The following TOE1 variants were observed in gnomAD, a reference collection of about 807,000 sequenced individuals.
TOE1 encodes target of EGR1 protein 1.
In TOE1, 50 loss-of-function variants were observed where a neutral mutation model predicts 49.2. The observed-to-expected ratio is 1.02, with a 90% CI of 0.81 to 1.29. The LOEUF (loss-of-function observed/expected upper bound fraction) is 1.29, where lower values mean the gene tolerates loss of function less well. TOE1 is among the 50% of genes most tolerant of loss of function. TOE1 has a pLI of 0.00. For synonymous variants in TOE1, 221 were observed against 247.0 expected (o/e 0.89, Z 0.99); for missense variants, 544 against 654.4 (o/e 0.83, Z 1.84).
rs1647088069 is a variant in TOE1, at chr1:45,343,486, G to T, written c.1317G>T (p.Arg439=). 6.2e-7 allele frequency: 1 copy of T among 1,614,056 alleles called. No individual in the cohort carries two copies. The highest frequency in any genetic ancestry group is 1.3e-5 in the African/African-American group (1 of 74,906). ...CAGTGCCTGGGGATGGATTGCACCG[G>T]GCTGGTTTTGATGCCTTTATGACAG... is the stretch of plus-strand genomic sequence containing the variant. ...PNPVPGDGLH[R]AGFDAFMTGY... The change falls in exon 8 of 8, where the codon CGG becomes CGT. Residue 439 remains arginine (R), a synonymous_variant. Transcript: ENST00000372090. This position sits in a 1 kb window ranked among gnomAD's most constrained non-coding sequence, Gnocchi z 4.3.
rs1321290052 is a variant in TOE1, at chr1:45,341,333, T to G, written c.226T>G (p.Leu76Val). 6.2e-7 allele frequency: 1 copy of G among 1,614,054 alleles called. No individual in the cohort carries two copies. The highest frequency in any genetic ancestry group is 1.3e-5 in the African/African-American group (1 of 74,902). Reference protein sequence around the residue: ...ELSGLGDRKSLLNQCIEERYK... With the variant: ...ELSGLGDRKSVLNQCIEERYK... Reference sequence around the variant, plus strand: ...GAGTGGGCTTGGGGACAGGAAGAGTTTGCTGAACCAGTAAGTATAAGCCCT... The same window carrying G: ...GAGTGGGCTTGGGGACAGGAAGAGTGTGCTGAACCAGTAAGTATAAGCCCT... The change falls in exon 3 of 8, where the codon TTG becomes GTG. Residue 76 changes from leucine to valine, a missense_variant. Transcript: ENST00000372090.
chr1:45,342,290 G>A (rs550198834), intron 5 of TOE1, 94 bp from the exon 6 acceptor site: 4 of 1,547,906 alleles, frequency 2.6e-6, no homozygotes, highest in Non-Finnish European at 3.5e-6. Flanking sequence ...TAGAGAGAGA[G>A]CGTTCCAAGT....
rs1226259544 is a variant in TOE1, at chr1:45,341,485, A to C, written c.249A>C (p.Glu83Asp). 1 of 1,613,890 alleles carries C rather than the reference A, an allele frequency of 6.2e-7. No individual in the cohort carries two copies. The highest frequency in any genetic ancestry group is 2.2e-5 in the East Asian group (1 of 44,878). ...RKSLLNQCIE[E>D]RYKAVCHAAR... ...ACCCAACCCCAAGGTGCATTGAGGA[A>C]CGTTACAAGGCCGTGTGTCATGCTG... is the stretch of plus-strand genomic sequence containing the variant. Residue 83 changes from glutamate (E) to aspartate (D), a missense_variant, in exon 4 of 8, where the codon GAA becomes GAC. By Grantham distance (45) the Glu-to-Asp change is conservative (BLOSUM62 2). Transcript: ENST00000372090.
In TOE1 at chr1:45,342,255, G is replaced by A. The variant is rs145244176; in HGVS notation, c.493-129G>A. 8.7e-6 allele frequency: 13 copies of A among 1,500,638 alleles called. No individual in the cohort carries two copies. The East Asian group carries it at 2.9e-4, about 34-fold the overall frequency. 93.0% of individuals were successfully genotyped at this position (1,500,638 alleles called of 1,614,324 possible). ...GGCTTGGGAAACAAGACTGGTATGA[G>A]GAGGGTGGGCAGCATTGGGTAAGGT... is the stretch of plus-strand genomic sequence containing the variant. On this transcript the variant is annotated intron_variant, in intron 5 of 7. Transcript: ENST00000372090.
Position 45,342,019 on chromosome 1 carries a change from C to G in TOE1, c.404C>G (p.Pro135Arg). ...LLCMEEYVIE[P>R]KSVQFLIQHG... ...TGCATGGAGGAGTATGTCATAGAAC[C>G]AAAGTCTGTGCAGTTCCTGATACAG... Residue 135 changes from proline to arginine, a missense_variant, in exon 5 of 8, where the codon CCA (proline) becomes CGA (arginine). Coordinates refer to ENST00000372090, the MANE Select transcript of TOE1 (RefSeq NM_025077.4). 6.2e-7 allele frequency: 1 copy of G among 1,614,044 alleles called. No individual in the cohort carries two copies. Among genetic ancestry groups the G allele is most frequent in the Non-Finnish European group, 8.5e-7 (1 of 1,179,950 alleles).
chr1:45,342,672 G>A (rs1647059105), intron 6 of TOE1, 29 bp downstream of exon 6: 1 of 1,610,786 alleles, frequency 6.2e-7, no homozygotes, highest in Non-Finnish European at 8.5e-7. Flanking sequence ...GAAAGGGGTG[G>A]GGCCTGATAC....
chr1:45,340,454 C>T (rs1293817589), intron 1 of TOE1, 150 bp downstream of exon 1: 14 of 1,483,262 alleles, frequency 9.4e-6, no homozygotes, highest in Non-Finnish European at 1.3e-5. Flanking sequence ...TTCCGTTGTA[C>T]ACCGCGGCTC....
Position 45,343,624 on chromosome 1 carries a change from C to A in TOE1, c.1455C>A (p.Leu485=). ...ATTTGAGTGGCAAAGCTGTACCCCTCACAGTGGCCAAGAGCCAGTTCTCTC... is the reference window on the plus strand; with the variant it reads ...ATTTGAGTGGCAAAGCTGTACCCCTAACAGTGGCCAAGAGCCAGTTCTCTC... ...KVYLSGKAVP[L]TVAKSQFSRS... Residue 485 remains leucine (L), a synonymous_variant, in exon 8 of 8, where the codon CTC becomes CTA. Transcript: ENST00000372090. This position sits in a 1 kb window ranked among gnomAD's most constrained non-coding sequence, Gnocchi z 4.3. The A allele has an allele frequency of 6.2e-7, 1 of 1,614,136 alleles. No homozygotes were observed. Among genetic ancestry groups the A allele is most frequent in the South Asian group, 1.1e-5 (1 of 91,070 alleles).
intron 2 of TOE1, 32 bp from the exon 3 acceptor site, chr1:45,341,270 GC>G (rs1442314226): frequency 1.1e-5 from 17 of 1,614,176 alleles, no homozygotes; most frequent in Non-Finnish European, 1.4e-5. Context: ...GGTGCTAGAG[GC>G]CTGTCACAAC....
Position 45,343,618 on chromosome 1 carries a change from A to G in TOE1, c.1449A>G (p.Val483=). ...AGGTATATTTGAGTGGCAAAGCTGT[A>G]CCCCTCACAGTGGCCAAGAGCCAGT... ...HNKVYLSGKA[V]PLTVAKSQFS... The change falls in exon 8 of 8, where the codon GTA becomes GTG. Residue 483 remains valine, a synonymous_variant. Transcript: ENST00000372090. This position sits in a 1 kb window ranked among gnomAD's most constrained non-coding sequence, Gnocchi z 4.3. 1 of 1,614,040 alleles carries G rather than the reference A, an allele frequency of 6.2e-7. No homozygotes were observed. The highest frequency in any genetic ancestry group is 8.5e-7 in the Non-Finnish European group (1 of 1,180,010).
At chr1:45,341,687 T>A (rs1308048371) in intron 4 of TOE1, 118 bp downstream of exon 4, 2 of 195,942 alleles carry the variant, frequency 1.0e-5, no homozygotes, top group Non-Finnish European at 1.4e-5. Context: ...GACTTGATAG[T>A]TTTTTTTTTT....
chr1:45,340,691 T>C, intron 1 of TOE1: 1 of 843,404 alleles, frequency 1.2e-6, no homozygotes. Context: ...TGGGGCACCA[T>C]GAGAACAGTA....
In TOE1 at chr1:45,343,739, A is replaced by G; in HGVS notation, c.*37A>G. ...CCTTGCTCTCAGGTGGAACAGAGGT[A>G]TTTTGGGTCTCTCTAGCCTGAAATG... On this transcript the variant is annotated 3_prime_UTR_variant, in exon 8 of 8. Transcript: ENST00000372090. The surrounding 1 kb of genome is among the most constrained non-coding windows in gnomAD (Gnocchi z 4.3). 1.3e-6 allele frequency: 2 copies of G among 1,580,888 alleles called. No individual in the cohort carries two copies. The highest frequency in any genetic ancestry group is 2.3e-5 in the South Asian group (2 of 86,186).
At chr1:45,340,988 C>A in intron 1 of TOE1, 85 bp from the exon 2 acceptor site, 1 of 1,584,100 alleles carries the variant, frequency 6.3e-7, no homozygotes, top group Non-Finnish European at 8.6e-7. Flanking sequence ...ACCCCCCTTA[C>A]CACCATCACC....
rs1647081483 is a variant in TOE1, at chr1:45,343,246, G to A, written c.1077G>A (p.Gly359=). The A allele has an allele frequency of 2.5e-6, 4 of 1,613,984 alleles. No individual in the cohort carries two copies. Among genetic ancestry groups the A allele is most frequent in the Admixed American group, 1.7e-5 (1 of 60,006 alleles). The change falls in exon 8 of 8, where the codon GGG becomes GGA. Residue 359 remains glycine (G), a synonymous_variant. Transcript: ENST00000372090. The surrounding 1 kb of genome is among the most constrained non-coding windows in gnomAD (Gnocchi z 4.3). ...ACCTACCGGGGACACAGACCTCTGG[G>A]GAAGCTAAGGATGGTCCTCCCAAGA... The part of the protein sequence containing the change: ...LLNLPGTQTS[G]EAKDGPPKKQ...
In TOE1 at chr1:45,343,304, G is replaced by C; in HGVS notation, c.1135G>C (p.Glu379Gln). Reference protein sequence around the residue: ...QVCGDSIKPEETEQEVAADET... With the variant: ...QVCGDSIKPEQTEQEVAADET... ...CTGTGGGGATAGCATCAAGCCTGAAGAAACCGAGCAGGAGGTGGCTGCCGA... is the reference window on the plus strand; with the variant it reads ...CTGTGGGGATAGCATCAAGCCTGAACAAACCGAGCAGGAGGTGGCTGCCGA... The change falls in exon 8 of 8, where the codon GAA (glutamate) becomes CAA (glutamine). Residue 379 changes from glutamate to glutamine, a missense_variant. Glu to Gln is a conservative substitution (Grantham distance 29). Transcript: ENST00000372090. This position sits in a 1 kb window ranked among gnomAD's most constrained non-coding sequence, Gnocchi z 4.3. The C allele has an allele frequency of 6.2e-7, 1 of 1,614,082 alleles. No homozygotes were observed. The highest frequency in any genetic ancestry group is 8.5e-7 in the Non-Finnish European group (1 of 1,180,036).
In TOE1 at chr1:45,340,337, C is replaced by T. The variant is rs28372898; in HGVS notation, c.52+33C>T. 42 of 1,598,426 alleles carry T rather than the reference C, an allele frequency of 2.6e-5. No individual in the cohort carries two copies. The East Asian group carries it at 7.8e-4, about 30-fold the overall frequency. On this transcript the variant is annotated intron_variant, in intron 1 of 7. Transcript: ENST00000372090. ...GCTTCCCAGAGGTAGCCTTCAAAGC[C>T]TCTGCGCTCTGGGAGAGGGGAAGGC...
chr1:45,342,447 C>T lies in TOE1; in HGVS notation c.556C>T (p.Pro186Ser). ...LFLELIRARR[P>S]LVLHNGLIDL... ...CCTGGAGCTAATCCGAGCCCGCCGGCCCCTGGTGCTACACAATGGCCTTAT... is the reference window on the plus strand; with the variant it reads ...CCTGGAGCTAATCCGAGCCCGCCGGTCCCTGGTGCTACACAATGGCCTTAT... Residue 186 changes from proline to serine, a missense_variant, in exon 6 of 8, where the codon CCC becomes TCC. Transcript: ENST00000372090. The T allele has an allele frequency of 6.2e-7, 1 of 1,614,176 alleles. No individual in the cohort carries two copies. The highest frequency in any genetic ancestry group is 1.1e-5 in the South Asian group (1 of 91,084).
chr1:45,340,948 G>A, intron 1 of TOE1, 125 bp from the exon 2 acceptor site: 2 of 1,389,846 alleles, frequency 1.4e-6, no homozygotes, highest in South Asian at 1.3e-5. Flanking sequence ...GGGTTACAAA[G>A]GCTTGTGGGA....
Sources: allele counts gnomAD v4.1 joint callset, GRCh38; gene constraint gnomAD v4.1.1; non-coding constraint Gnocchi (gnomAD v3.1); transcripts MANE v1.5; gene names NCBI Gene and HGNC (gene_info 2026-07-23, HGNC 2026-07-21).